FHIT: variants seen among roughly 807,000 people sequenced by gnomAD.
The protein encoded by FHIT is bis(5'-adenosyl)-triphosphatase.
Under a neutral mutation model 17.9 loss-of-function variants are expected in FHIT, and 19 were observed. The observed-to-expected ratio is 1.06, with a 90% CI of 0.74 to 1.56. The LOEUF (loss-of-function observed/expected upper bound fraction) is 1.56. FHIT is among the 40% of genes most tolerant of loss of function. The pLI is 0.00. For missense variants in FHIT, 248 were observed against 189.2 expected (o/e 1.31, Z -1.82); for synonymous variants, 81 against 69.7 (o/e 1.16, Z -0.81).
chr3:60,795,376 A>G (rs1164372835), intron 4 of FHIT, among the ~76,000 whole-genome samples: 1 of 152,126 alleles, frequency 6.6e-6, no homozygotes, highest in Non-Finnish European at 1.5e-5. Flanking sequence ...CCTGTTGAAT[A>G]TGTTTGGGTA....
intron 8 of FHIT, among the ~76,000 whole-genome samples, chr3:59,880,432 G>C (rs1212911988): frequency 6.6e-6 from 1 of 152,114 alleles, no homozygotes; most frequent in South Asian, 2.1e-4. Flanking sequence ...AACCATGTCT[G>C]TCTGGACCAC....
chr3:60,503,460 T>G (rs527322405), intron 5 of FHIT, among the ~76,000 whole-genome samples: 1 of 152,300 alleles, frequency 6.6e-6, no homozygotes, highest in African/African-American at 2.4e-5. Context: ...TCAGTTTTCT[T>G]TGAATACTTC....
intron 5 of FHIT, among the ~76,000 whole-genome samples, chr3:60,171,165 G>C (rs1043737791): frequency 2.0e-5 from 3 of 151,948 alleles, no homozygotes; most frequent in Admixed American, 6.6e-5. Context: ...TTTTAATTTA[G>C]GGCAATATTT....
At chr3:59,929,567 G>A (rs1304476658) in intron 7 of FHIT, among the ~76,000 whole-genome samples, 1 of 151,688 alleles carries the variant, frequency 6.6e-6, no homozygotes, top group African/African-American at 2.4e-5. Context: ...TACAGACGGG[G>A]TTCCACCATG....
chr3:60,277,604 G>A (rs1209004592), intron 5 of FHIT, among the ~76,000 whole-genome samples: 1 of 152,150 alleles, frequency 6.6e-6, no homozygotes, highest in Non-Finnish European at 1.5e-5. Flanking sequence ...CGCATGTTAT[G>A]TAAACATCAC....
At chr3:59,943,837 G>C (rs1437682252) in intron 7 of FHIT, among the ~76,000 whole-genome samples, 1 of 152,158 alleles carries the variant, frequency 6.6e-6, no homozygotes. Context: ...CCTGGAACTA[G>C]ACTCCTTGTG....
At chr3:60,241,749 T>G (rs980964355) in intron 5 of FHIT, among the ~76,000 whole-genome samples, 3 of 152,116 alleles carry the variant, frequency 2.0e-5, no homozygotes, top group African/African-American at 7.2e-5. Context: ...TGAGTTATAT[T>G]CATGACTAGT....
chr3:60,999,852 A>G (rs73104206), intron 3 of FHIT, among the ~76,000 whole-genome samples: 13,576 of 152,166 alleles, frequency 0.089, 655 homozygotes, highest in East Asian at 0.18. Context: ...GAGACTGGGA[A>G]GCCCATCAAG....
chr3:59,963,816 A>C (rs902502276), intron 7 of FHIT, among the ~76,000 whole-genome samples: 1 of 152,244 alleles, frequency 6.6e-6, no homozygotes, highest in Admixed American at 6.5e-5. Context: ...TAGCGTGTGA[A>C]TAAATAAATG....
chr3:60,868,053 G>A (rs1553754226), intron 3 of FHIT, among the ~76,000 whole-genome samples: 1 of 152,036 alleles, frequency 6.6e-6, no homozygotes, highest in African/African-American at 2.4e-5. Context: ...AGCTTGTTAT[G>A]ACATATCTGA....
intron 8 of FHIT, among the ~76,000 whole-genome samples, chr3:59,858,947 A>C (rs1464762201): frequency 3.3e-5 from 5 of 152,170 alleles, no homozygotes; most frequent in Non-Finnish European, 7.3e-5. Flanking sequence ...ACTTATATGT[A>C]CATATTTCCT....
At chr3:61,195,653 A>G (rs564659384) in intron 2 of FHIT, among the ~76,000 whole-genome samples, 1 of 152,318 alleles carries the variant, frequency 6.6e-6, no homozygotes, top group East Asian at 1.9e-4. Flanking sequence ...TTAAGTAGCC[A>G]TCAGGATAAC....
chr3:60,608,902 AT>A, intron 4 of FHIT, among the ~76,000 whole-genome samples: 1 of 152,134 alleles, frequency 6.6e-6, no homozygotes, highest in Non-Finnish European at 1.5e-5. Context: ...AATAGGTAAC[AT>A]GATTTCCTAC....
At chr3:60,659,296 T>C (rs959876655) in intron 4 of FHIT, among the ~76,000 whole-genome samples, 8 of 152,102 alleles carry the variant, frequency 5.3e-5, no homozygotes, top group Non-Finnish European at 7.4e-5. Flanking sequence ...TTGAGCTTCT[T>C]GGATTTTTAT....
At position 60,982,163 on chromosome 3, in the gene FHIT, T is replaced by G. The variant is rs539721697; in HGVS notation, c.-111+59884A>C. ...CCTAGACTTAAAACCCTTCAGTGCT[T>G]TCCCTGCTACACTCAGAATAAAGTC... is the stretch of plus-strand genomic sequence containing the variant. On this transcript the variant is annotated intron_variant, in intron 3 of 9. Coordinates refer to ENST00000492590, the MANE Select transcript of FHIT (RefSeq NM_002012.4). Among the ~76,000 whole-genome samples, 3 of 152,348 alleles carry G rather than the reference T, an allele frequency of 2.0e-5. No individual in the cohort carries two copies. The South Asian group carries it at 6.2e-4, about 32-fold the overall frequency.
intron 8 of FHIT, among the ~76,000 whole-genome samples, chr3:59,791,357 C>T (rs1699550013): frequency 6.6e-6 from 1 of 152,128 alleles, no homozygotes; most frequent in Non-Finnish European, 1.5e-5. Context: ...ATCTTTCTAC[C>T]ATAAGCTAGT....
intron 3 of FHIT, among the ~76,000 whole-genome samples, chr3:61,014,810 AT>A (rs2032011721): frequency 7.7e-6 from 1 of 129,878 alleles, no homozygotes; most frequent in African/African-American, 2.9e-5. Flanking sequence ...AAAAAAAAAT[AT>A]ATATATATAT....
intron 3 of FHIT, among the ~76,000 whole-genome samples, chr3:61,018,001 G>A (rs1163183454): frequency 6.6e-6 from 1 of 152,042 alleles, no homozygotes; most frequent in Non-Finnish European, 1.5e-5. Flanking sequence ...AGGACTTGAG[G>A]TCTAAGACAA....
chr3:60,212,043 G>A (rs1703475133), intron 5 of FHIT, among the ~76,000 whole-genome samples: 1 of 152,166 alleles, frequency 6.6e-6, no homozygotes, highest in South Asian at 2.1e-4. Context: ...CTAATTGACT[G>A]TGGCCAAGTC....
Sources: allele counts gnomAD v4.1 joint callset (sites outside exome capture counted in the v4.1 genomes callset), GRCh38; gene constraint gnomAD v4.1.1; transcripts MANE v1.5; gene names NCBI Gene and HGNC (gene_info 2026-07-23, HGNC 2026-07-21).